The following DYNC2H1 variants were observed in gnomAD, a reference collection of about 807,000 sequenced individuals.
DYNC2H1 encodes the protein dynein cytoplasmic 2 heavy chain 1.
A neutral mutation model predicts 570.0 loss-of-function variants in DYNC2H1; 410 were observed. That is an observed-to-expected ratio of 0.72 (90% CI 0.66 to 0.78). The LOEUF is 0.78. DYNC2H1 is among the 30% of genes least tolerant of loss of function. The pLI, the probability that DYNC2H1 is intolerant of heterozygous loss-of-function variation, is 0.00. For missense variants in DYNC2H1, 4,865 were observed against 5,046.4 expected, an observed-to-expected ratio of 0.96 and a Z score of 1.09; for synonymous variants, 1,688 against 1,677.6, an observed-to-expected ratio of 1.01 and a Z score of -0.15.
chr11:103,367,296 A>C lies in DYNC2H1; in HGVS notation c.12156+8937A>C, dbSNP rs182785017. On this transcript the variant is annotated intron_variant, in intron 83 of 88. Coordinates refer to ENST00000375735, the MANE Select transcript of DYNC2H1 (RefSeq NM_001377.3). Reference sequence around the variant, plus strand: ...TGCTTTTTCATCATTTTTCCACTAAATCAAAGATTCTGAAAGGAAATCTTA... The same window carrying C: ...TGCTTTTTCATCATTTTTCCACTAACTCAAAGATTCTGAAAGGAAATCTTA... 5.2e-4 allele frequency among the ~76,000 whole-genome samples: 79 copies of C among 152,264 alleles called. No individual in the cohort carries two copies. In the East Asian group the frequency reaches 0.015, roughly 28 times the overall value.
intron 45 of DYNC2H1, 36 bp from the exon 46 acceptor site, chr11:103,191,481 C>CAGT (rs1468814735): frequency 6.9e-7 from 1 of 1,449,538 alleles, no homozygotes; most frequent in Non-Finnish European, 9.5e-7. Flanking sequence ...TTATTTAAGG[C>CAGT]AGTAGAAAGA....
At position 103,228,862 on chromosome 11, in the gene DYNC2H1, G is replaced by A. The variant is rs1004568517; in HGVS notation, c.9354-2398G>A. ...GAGAAAGAACACCTGGTGGGGGCAG[G>A]GATAGATGTATCTGAGCTCAGCCTC... On this transcript the variant is annotated intron_variant, in intron 59 of 88. Coordinates refer to ENST00000375735, the MANE Select transcript of DYNC2H1 (RefSeq NM_001377.3). This position sits in a 1 kb window ranked among gnomAD's most constrained non-coding sequence, Gnocchi z 6.1. Among the ~76,000 whole-genome samples, 1 of 152,150 alleles carries A rather than the reference G, an allele frequency of 6.6e-6. No homozygotes were observed. The highest frequency in any genetic ancestry group is 1.5e-5 in the Non-Finnish European group (1 of 68,026).
chr11:103,131,752 T>C (rs2435922), intron 13 of DYNC2H1, among the ~76,000 whole-genome samples: 130,862 of 152,066 alleles, frequency 0.86, 57,071 homozygotes, highest in Non-Finnish European at 0.92. Flanking sequence ...ACATTTTCCA[T>C]GTCCTGCTGG....
intron 75 of DYNC2H1, among the ~76,000 whole-genome samples, chr11:103,298,284 A>G (rs12295904): frequency 0.17 from 25,130 of 152,054 alleles, 2,267 homozygotes; most frequent in Admixed American, 0.25. Flanking sequence ...TATTGCTCAA[A>G]CGCATGTTAA....
Position 103,133,597 on chromosome 11 carries a change from G to A in DYNC2H1, c.1996G>A (p.Asp666Asn). 4 of 1,611,148 alleles carry A rather than the reference G, an allele frequency of 2.5e-6. No homozygotes were observed. Among genetic ancestry groups the A allele is most frequent in the Non-Finnish European group, 3.4e-6 (4 of 1,179,228 alleles). Residue 666 changes from aspartate (D) to asparagine (N), a missense_variant, in exon 14 of 89, where the codon GAT becomes AAT. Asp to Asn is a conservative substitution (Grantham distance 23, BLOSUM62 1). This residue lies in a region of DYNC2H1 where 1,936 missense variants were observed against 1,962.1 expected (regional missense o/e 0.99). Transcript: ENST00000375735. This position sits in a 1 kb window ranked among gnomAD's most constrained non-coding sequence, Gnocchi z 4.8. ...TGGAGGGAAATCACAGATAACTTGG[G>A]ATAATCCTAAAGAATTAGAAGGCTA... ...GSGGKSQITW[D>N]NPKELEGYIQ...
chr11:103,289,042 GC>G lies in DYNC2H1; in HGVS notation c.11095+1438del, dbSNP rs778480267. ...TGCAGACCCTGCACTAGATGGATCAGCTGACACAACCTAGTCCGGTAATCTG... is the reference window on the plus strand; with the variant it reads ...TGCAGACCCTGCACTAGATGGATCAGTGACACAACCTAGTCCGGTAATCTG... On this transcript the variant is annotated intron_variant, in intron 75 of 88. Coordinates refer to ENST00000375735, the MANE Select transcript of DYNC2H1 (RefSeq NM_001377.3). The surrounding 1 kb of genome is among the most constrained non-coding windows in gnomAD (Gnocchi z 4.2). 1.1e-4 allele frequency among the ~76,000 whole-genome samples: 16 copies of G among 152,066 alleles called. No homozygotes were observed. Among genetic ancestry groups the G allele is most frequent in the Non-Finnish European group, 1.9e-4 (13 of 68,016 alleles).
chr11:103,411,554 ATTTAAC>A (rs1943088657), intron 84 of DYNC2H1, among the ~76,000 whole-genome samples: 1 of 152,080 alleles, frequency 6.6e-6, no homozygotes, highest in African/African-American at 2.4e-5. Context: ...AAAAAGGATA[ATTTAAC>A]TTTAAATCAT....
chr11:103,140,038 C>G (rs972158098), intron 17 of DYNC2H1, among the ~76,000 whole-genome samples: 1 of 151,858 alleles, frequency 6.6e-6, no homozygotes, highest in African/African-American at 2.4e-5. Context: ...GGATTGCAAC[C>G]CCTGCCTTTT....
At chr11:103,159,122 G>C (rs556909729) in intron 28 of DYNC2H1, 95 bp downstream of exon 28, 1 of 920,516 alleles carries the variant, frequency 1.1e-6, no homozygotes, top group African/African-American at 1.7e-5. Flanking sequence ...GAATACAGCA[G>C]TCAGTTCATA....
rs117545623 is a variant in DYNC2H1 at position 103,249,133 on chromosome 11, C to G, written c.10042+3759C>G. ...TTCATACAGTTAAGACTGTGTTGGA[C>G]TCTATAGTTCTACATTTGATATTTT... On this transcript the variant is annotated intron_variant, in intron 65 of 88. Coordinates refer to ENST00000375735, the MANE Select transcript of DYNC2H1 (RefSeq NM_001377.3). The surrounding 1 kb of genome is among the most constrained non-coding windows in gnomAD (Gnocchi z 4.6). Among the ~76,000 whole-genome samples the G allele has an allele frequency of 3.7e-3, 570 of 152,016 alleles. 4 individuals carry two copies. Among genetic ancestry groups the G allele is most frequent in the Middle Eastern group, 0.017 (5 of 294 alleles).
chr11:103,420,227 A>G (rs770131026), intron 84 of DYNC2H1, among the ~76,000 whole-genome samples: 9 of 152,174 alleles, frequency 5.9e-5, no homozygotes, highest in Admixed American at 2.0e-4. Context: ...ATTTCAGGAT[A>G]TCATCCAGGA....
rs577327190 is a variant in DYNC2H1, at chr11:103,251,446, A to T, written c.10043-1839A>T. Among the ~76,000 whole-genome samples, 34 of 152,274 alleles carry T rather than the reference A, an allele frequency of 2.2e-4. No individual in the cohort carries two copies. In the East Asian group the frequency reaches 6.6e-3, roughly 29 times the overall value. On this transcript the variant is annotated intron_variant, in intron 65 of 88. Coordinates refer to ENST00000375735, the MANE Select transcript of DYNC2H1 (RefSeq NM_001377.3). ...GTGCATATTTAAGATTTACAGCATT[A>T]TATTATGAGATACATATATATCATA...
chr11:103,123,021 C>A, intron 11 of DYNC2H1, 21 bp downstream of exon 11: 1 of 1,327,418 alleles, frequency 7.5e-7, no homozygotes, highest in Non-Finnish European at 9.7e-7. Flanking sequence ...ATATATTAAA[C>A]TGTAAAATCC....
At chr11:103,390,637 A>G (rs371218650) in intron 83 of DYNC2H1, among the ~76,000 whole-genome samples, 2 of 152,178 alleles carry the variant, frequency 1.3e-5, no homozygotes, top group Non-Finnish European at 2.9e-5. Flanking sequence ...GGCTGGTACC[A>G]GTTGTTCCTT....
intron 17 of DYNC2H1, among the ~76,000 whole-genome samples, chr11:103,141,483 G>T (rs1303414958): frequency 6.6e-6 from 1 of 152,178 alleles, no homozygotes; most frequent in African/African-American, 2.4e-5. Context: ...GACCCTGTTT[G>T]CCTGGGTATC....
At chr11:103,154,016 A>G (rs1002174379) in intron 22 of DYNC2H1, among the ~76,000 whole-genome samples, 3 of 151,938 alleles carry the variant, frequency 2.0e-5, no homozygotes, top group Non-Finnish European at 4.4e-5. Context: ...CATAATTACT[A>G]AATGGCATTA....
chr11:103,238,817 T>A (rs1864319115), intron 63 of DYNC2H1, among the ~76,000 whole-genome samples: 1 of 152,318 alleles, frequency 6.6e-6, no homozygotes, highest in East Asian at 1.9e-4. Context: ...AGGAATTAGT[T>A]TTACTACGTT....
Position 103,170,911 on chromosome 11 carries a change from G to A in DYNC2H1, c.5177G>A (p.Arg1726Gln), listed in dbSNP as rs564701277. 236 of 1,575,518 alleles carry A rather than the reference G, an allele frequency of 1.5e-4. 2 individuals are homozygous for A. In the East Asian group the frequency reaches 3.4e-3, roughly 23 times the overall value. ...DEGIDVKSMG[R>Q]IFVGLVKCGA... Reference sequence around the variant, plus strand: ...GGCATCGATGTGAAGTCAATGGGACGAATATTTGTTGGTTTGGTGAAGTGT... The same window carrying A: ...GGCATCGATGTGAAGTCAATGGGACAAATATTTGTTGGTTTGGTGAAGTGT... The change falls in exon 34 of 89, where the codon CGA becomes CAA. Residue 1726 changes from arginine to glutamine, a missense_variant. Physicochemically the swap from Arg to Gln is conservative, Grantham distance 43. Transcript: ENST00000375735. The surrounding 1 kb of genome is among the most constrained non-coding windows in gnomAD (Gnocchi z 4.8).
chr11:103,479,030 T>C, intron 88 of DYNC2H1, 65 bp from the exon 89 acceptor site: 1 of 1,539,996 alleles, frequency 6.5e-7, no homozygotes, highest in Non-Finnish European at 8.9e-7. Context: ...GTTTCCTTGG[T>C]TATCTAATAA....
Sources: gnomAD v4.1 joint callset for allele counts (sites outside exome capture counted in the v4.1 genomes callset) on GRCh38, gnomAD v4.1.1 for gene constraint, gnomAD v4.1.1 regional missense constraint, Gnocchi (gnomAD v3.1) non-coding constraint, MANE v1.5 for transcripts, NCBI Gene and HGNC (gene_info 2026-07-23, HGNC 2026-07-21) for gene names.